Variants in MCTP1 observed in about 807,000 individuals in gnomAD.
MCTP1 encodes multiple C2 and transmembrane domain-containing protein 1.
MCTP1 carries 69 observed loss-of-function variants against 120.6 expected under a neutral mutation model. The observed-to-expected ratio is 0.57, with a 90% confidence interval of 0.47 to 0.70. The LOEUF (loss-of-function observed/expected upper bound fraction) is 0.70. Among genes scored for constraint, MCTP1 ranks in the 30% least tolerant of loss-of-function variants. The pLI is 0.00. For synonymous variants in MCTP1, 529 were observed against 493.1 expected, an observed-to-expected ratio of 1.07 and a Z score of -0.96; for missense variants, 1,203 against 1,248.8, an observed-to-expected ratio of 0.96 and a Z score of 0.55.
chr5:95,107,644 A>G (rs529644284), intron 1 of MCTP1, among the ~76,000 whole-genome samples: 33 of 152,330 alleles, frequency 2.2e-4, no homozygotes, highest in African/African-American at 7.7e-4. Flanking sequence ...TTTAAATACC[A>G]TTCCTCAGGT....
At chr5:95,066,713 G>C (rs777343752) in intron 1 of MCTP1, among the ~76,000 whole-genome samples, 1 of 152,082 alleles carries the variant, frequency 6.6e-6, no homozygotes, top group Non-Finnish European at 1.5e-5. Flanking sequence ...AAACCTGGAG[G>C]GCATTATATT....
chr5:95,138,454 T>G (rs1240775753), intron 1 of MCTP1, among the ~76,000 whole-genome samples: 3 of 152,378 alleles, frequency 2.0e-5, no homozygotes, highest in South Asian at 4.1e-4. Context: ...GTCATAATGA[T>G]GGAAACTAAA....
chr5:94,923,042 G>T (rs1231036476), intron 7 of MCTP1, among the ~76,000 whole-genome samples: 3 of 147,878 alleles, frequency 2.0e-5, no homozygotes, highest in African/African-American at 7.4e-5. Context: ...ATTCGAGCTG[G>T]TAAGGATGAA....
chr5:95,268,768 C>T (rs1019233665), intron 1 of MCTP1, among the ~76,000 whole-genome samples: 1 of 152,170 alleles, frequency 6.6e-6, no homozygotes, highest in African/African-American at 2.4e-5. Context: ...TTTAATCTGT[C>T]CTAAATAAAT....
intron 1 of MCTP1, among the ~76,000 whole-genome samples, chr5:95,111,552 C>T (rs2152388953): frequency 6.6e-6 from 1 of 152,156 alleles, no homozygotes; most frequent in South Asian, 2.1e-4. Flanking sequence ...ATTCTCAAAC[C>T]CAAAAGGAAT....
At chr5:95,028,940 C>A (rs965907204) in intron 1 of MCTP1, among the ~76,000 whole-genome samples, 1 of 152,136 alleles carries the variant, frequency 6.6e-6, no homozygotes, top group Non-Finnish European at 1.5e-5. Flanking sequence ...GGCGGGCGAT[C>A]GTGAGGTCAG....
At chr5:95,213,165 G>T (rs1752605779) in intron 1 of MCTP1, among the ~76,000 whole-genome samples, 1 of 152,150 alleles carries the variant, frequency 6.6e-6, no homozygotes, top group East Asian at 1.9e-4. Context: ...CTTCAGCAAA[G>T]TCTCAGGATA....
At chr5:94,928,786 G>A (rs1179903414) in intron 6 of MCTP1, among the ~76,000 whole-genome samples, 2 of 152,026 alleles carry the variant, frequency 1.3e-5, no homozygotes, top group African/African-American at 4.8e-5. Context: ...AAGTTTAGAT[G>A]CATTTTTTTC....
intron 1 of MCTP1, among the ~76,000 whole-genome samples, chr5:95,058,833 T>C (rs1748145659): frequency 6.6e-6 from 1 of 152,124 alleles, no homozygotes; most frequent in South Asian, 2.1e-4. Context: ...AGCGATGATA[T>C]GCTCTAGGGT....
chr5:94,783,201 T>C (rs975028128), intron 18 of MCTP1, among the ~76,000 whole-genome samples: 9 of 152,156 alleles, frequency 5.9e-5, no homozygotes, highest in African/African-American at 1.7e-4. Flanking sequence ...AAATGCAGCA[T>C]GCCAGCTACA....
intron 1 of MCTP1, among the ~76,000 whole-genome samples, chr5:95,203,821 GC>G (rs1751332121): frequency 1.3e-5 from 2 of 152,172 alleles, no homozygotes; most frequent in African/African-American, 4.8e-5. Flanking sequence ...CAATTAACAT[GC>G]CTCTTAATGC....
intron 19 of MCTP1, among the ~76,000 whole-genome samples, chr5:94,760,576 C>T (rs903444912): frequency 2.0e-5 from 3 of 152,154 alleles, no homozygotes; most frequent in African/African-American, 4.8e-5. Context: ...ACATAACATG[C>T]CAAACATTGA....
At chr5:95,019,374 C>T (rs1006357470) in intron 1 of MCTP1, among the ~76,000 whole-genome samples, 1 of 152,000 alleles carries the variant, frequency 6.6e-6, no homozygotes, top group East Asian at 1.9e-4. Flanking sequence ...TGAACTTACT[C>T]ATCTTACAGC....
intron 1 of MCTP1, among the ~76,000 whole-genome samples, chr5:95,129,047 T>C (rs1298839172): frequency 6.6e-6 from 1 of 152,182 alleles, no homozygotes; most frequent in Non-Finnish European, 1.5e-5. Flanking sequence ...CCTAAATATA[T>C]AATTGCTCAG....
intron 5 of MCTP1, among the ~76,000 whole-genome samples, chr5:94,933,557 C>G (rs1815346351): frequency 6.6e-6 from 1 of 151,656 alleles, no homozygotes; most frequent in Admixed American, 6.6e-5. Flanking sequence ...AATGGTATAT[C>G]CTAGAGATGA....
intron 19 of MCTP1, among the ~76,000 whole-genome samples, chr5:94,755,593 T>C (rs1307727722): frequency 6.6e-6 from 1 of 152,244 alleles, no homozygotes; most frequent in Non-Finnish European, 1.5e-5. Context: ...CATGACCATT[T>C]GACATACTTC....
chr5:94,834,866 G>A (rs1488426573), intron 17 of MCTP1, among the ~76,000 whole-genome samples: 2 of 139,070 alleles, frequency 1.4e-5, no homozygotes, highest in African/African-American at 5.5e-5. Flanking sequence ...TGCCCAGGCT[G>A]GAGTGCAATG....
intron 17 of MCTP1, among the ~76,000 whole-genome samples, chr5:94,852,032 A>G (rs541849965): frequency 6.6e-6 from 1 of 152,016 alleles, no homozygotes; most frequent in African/African-American, 2.4e-5. Context: ...TTTTTCATAG[A>G]AATGGTTCTC....
intron 17 of MCTP1, among the ~76,000 whole-genome samples, chr5:94,841,375 A>G (rs906136390): frequency 5.9e-5 from 9 of 152,234 alleles, no homozygotes; most frequent in African/African-American, 2.2e-4. Flanking sequence ...AATTTTTTCC[A>G]TTAAAGCCAG....
Sources: allele counts gnomAD v4.1 joint callset (sites outside exome capture counted in the v4.1 genomes callset), GRCh38; gene constraint gnomAD v4.1.1; transcripts MANE v1.5; gene names NCBI Gene and HGNC (gene_info 2026-07-23, HGNC 2026-07-21).